Variants in AGBL4 observed in about 807,000 individuals in gnomAD.
The protein encoded by AGBL4 is cytosolic carboxypeptidase 6.
AGBL4 carries 58 observed loss-of-function variants against 66.4 expected under a neutral mutation model. The observed-to-expected ratio is 0.87, with a 90% CI of 0.71 to 1.09. The LOEUF (loss-of-function observed/expected upper bound fraction) is 1.09. AGBL4 is among the 50% of genes least tolerant of loss of function. The pLI is 0.00. For missense variants in AGBL4, 579 were observed against 631.0 expected, an observed-to-expected ratio of 0.92 and a Z score of 0.88; for synonymous variants, 234 against 222.9, an observed-to-expected ratio of 1.05 and a Z score of -0.44.
intron 2 of AGBL4, among the ~76,000 whole-genome samples, chr1:49,738,974 T>A (rs1650155967): frequency 6.6e-6 from 1 of 152,034 alleles, no homozygotes; most frequent in Non-Finnish European, 1.5e-5. Context: ...GCAGAAAAAC[T>A]AAAAAGTCTG....
chr1:49,646,222 G>T (rs1300090331), intron 3 of AGBL4, among the ~76,000 whole-genome samples: 2 of 151,756 alleles, frequency 1.3e-5, no homozygotes, highest in Non-Finnish European at 3.0e-5. Context: ...TGAAAGAAAA[G>T]AATAAAATAA....
chr1:49,037,166 T>G (rs1024415889), intron 5 of AGBL4, among the ~76,000 whole-genome samples: 1 of 152,128 alleles, frequency 6.6e-6, no homozygotes, highest in African/African-American at 2.4e-5. Flanking sequence ...GAAATCCCTA[T>G]AATCTTTGGC....
chr1:49,542,001 A>G (rs889691251), intron 3 of AGBL4, among the ~76,000 whole-genome samples: 8 of 152,176 alleles, frequency 5.3e-5, no homozygotes, highest in Non-Finnish European at 8.8e-5. Flanking sequence ...AAACACACCA[A>G]TCAGCACCCT....
At chr1:48,539,862 T>A (rs567133570) in intron 11 of AGBL4, 124 bp from the exon 12 acceptor site, 1 of 546,676 alleles carries the variant, frequency 1.8e-6, no homozygotes, top group South Asian at 6.9e-5. Context: ...AAGCTTTTTG[T>A]ATGCGCTGTC....
intron 9 of AGBL4, chr1:48,634,121 T>G (rs1376727683): frequency 1.9e-5 from 3 of 160,806 alleles, no homozygotes; most frequent in Non-Finnish European, 4.1e-5. Context: ...GAAGCCAGGT[T>G]ACAGTCTTCA....
chr1:49,282,020 G>A (rs1644282585), intron 3 of AGBL4, among the ~76,000 whole-genome samples: 1 of 152,178 alleles, frequency 6.6e-6, no homozygotes, highest in Non-Finnish European at 1.5e-5. Flanking sequence ...TCTGAAGTGG[G>A]AGGCAAGCTT....
At chr1:48,998,490 A>G (rs1376938099) in intron 5 of AGBL4, among the ~76,000 whole-genome samples, 5 of 152,194 alleles carry the variant, frequency 3.3e-5, no homozygotes, top group East Asian at 1.9e-4. Flanking sequence ...TCTCACTGCA[A>G]TAAATACCAG....
At chr1:49,195,438 A>G (rs1248165438) in intron 4 of AGBL4, among the ~76,000 whole-genome samples, 1 of 152,134 alleles carries the variant, frequency 6.6e-6, no homozygotes, top group Non-Finnish European at 1.5e-5. Context: ...TATAAAATTC[A>G]TGACTAACAC....
intron 4 of AGBL4, among the ~76,000 whole-genome samples, chr1:49,214,817 C>T (rs533606430): frequency 7.0e-4 from 106 of 152,116 alleles, no homozygotes; most frequent in African/African-American, 2.4e-3. Context: ...GAGATTGAAG[C>T]GGTGGGTAAG....
chr1:49,488,389 T>C (rs1052282776), intron 3 of AGBL4, among the ~76,000 whole-genome samples: 1 of 151,478 alleles, frequency 6.6e-6, no homozygotes, highest in Non-Finnish European at 1.5e-5. Context: ...TTCTCTTGAA[T>C]TTTTTTATTA....
chr1:49,386,457 A>C (rs1414298571), intron 3 of AGBL4, among the ~76,000 whole-genome samples: 4 of 151,968 alleles, frequency 2.6e-5, no homozygotes, highest in Non-Finnish European at 5.9e-5. Context: ...AGCAAAATAT[A>C]ATCTCACATT....
chr1:49,481,720 C>T (rs925171184), intron 3 of AGBL4, among the ~76,000 whole-genome samples: 19 of 152,014 alleles, frequency 1.2e-4, no homozygotes, highest in Admixed American at 4.6e-4. Flanking sequence ...AAAGGAATTG[C>T]TTCCAGCTTC....
intron 9 of AGBL4, among the ~76,000 whole-genome samples, chr1:48,622,608 C>A (rs994081574): frequency 6.6e-6 from 1 of 151,190 alleles, no homozygotes; most frequent in East Asian, 1.9e-4. Flanking sequence ...CTCAGCCTCC[C>A]GAGTAGCTGG....
At chr1:48,944,387 C>T (rs554894789) in intron 5 of AGBL4, among the ~76,000 whole-genome samples, 4 of 152,252 alleles carry the variant, frequency 2.6e-5, no homozygotes, top group East Asian at 1.9e-4. Context: ...GAATTACTAT[C>T]GCAGGCATGA....
At position 49,045,809 on chromosome 1, in the gene AGBL4, T is replaced by C. The variant is rs761614459; in HGVS notation, c.378-9A>G. Reference sequence around the variant, plus strand: ...TGGGTGGCAGCCTTTGCCTAAAATATATAAACAAAGAAATTTGGGCATATG... The same window carrying C: ...TGGGTGGCAGCCTTTGCCTAAAATACATAAACAAAGAAATTTGGGCATATG... On this transcript the variant is annotated splice_polypyrimidine_tract_variant and intron_variant, in intron 4 of 13. Coordinates refer to ENST00000371839, the MANE Select transcript of AGBL4 (RefSeq NM_032785.4). 6 of 1,546,662 alleles carry C rather than the reference T, an allele frequency of 3.9e-6. No individual in the cohort carries two copies. The South Asian group carries it at 7.2e-5, about 19-fold the overall frequency.
chr1:49,817,689 A>C (rs757444958), intron 2 of AGBL4, among the ~76,000 whole-genome samples: 21 of 151,158 alleles, frequency 1.4e-4, no homozygotes, highest in Non-Finnish European at 3.0e-4. Context: ...ATGACAGCCA[A>C]ATTTTACTTA....
intron 9 of AGBL4, among the ~76,000 whole-genome samples, chr1:48,616,453 G>A (rs1278164476): frequency 6.6e-6 from 1 of 152,166 alleles, no homozygotes; most frequent in African/African-American, 2.4e-5. Flanking sequence ...GTTCATAATA[G>A]TAAAGTACAA....
chr1:49,702,404 T>A (rs1175441795), intron 2 of AGBL4, among the ~76,000 whole-genome samples: 2 of 152,006 alleles, frequency 1.3e-5, no homozygotes, highest in African/African-American at 4.8e-5. Context: ...GGAAGGAGAA[T>A]CACTTGATCC....
intron 2 of AGBL4, among the ~76,000 whole-genome samples, chr1:49,817,382 A>G (rs1339293805): frequency 2.6e-5 from 4 of 152,202 alleles, no homozygotes; most frequent in Non-Finnish European, 4.4e-5. Flanking sequence ...AGCTTCCTTT[A>G]TGCACTATGA....
Sources: allele counts gnomAD v4.1 joint callset (sites outside exome capture counted in the v4.1 genomes callset), GRCh38; gene constraint gnomAD v4.1.1; transcripts MANE v1.5; gene names NCBI Gene and HGNC (gene_info 2026-07-23, HGNC 2026-07-21).